The following RDX variants were observed in gnomAD, a reference collection of about 807,000 sequenced individuals.
The protein encoded by RDX is radixin.
A neutral mutation model predicts 83.7 loss-of-function variants in RDX; 32 were observed. The ratio of observed to expected loss-of-function variants is 0.38; its 90% CI spans 0.29 to 0.51. The LOEUF (loss-of-function observed/expected upper bound fraction) is 0.51. Among genes scored for constraint, RDX ranks in the 20% least tolerant of loss-of-function variants. RDX has a pLI of 0.87. For missense variants in RDX, 600 were observed against 689.9 expected, an observed-to-expected ratio of 0.87 and a Z score of 1.46; for synonymous variants, 229 against 222.7, an observed-to-expected ratio of 1.03 and a Z score of -0.25.
intron 3 of RDX, among the ~76,000 whole-genome samples, chr11:110,269,733 T>C (rs1047339578): frequency 1.3e-5 from 2 of 152,064 alleles, no homozygotes; most frequent in Admixed American, 6.5e-5. Context: ...CCATAACAGA[T>C]AACAATACTC....
At chr11:110,232,868 G>C (rs1864694985) in intron 13 of RDX, among the ~76,000 whole-genome samples, 1 of 152,166 alleles carries the variant, frequency 6.6e-6, no homozygotes, top group African/African-American at 2.4e-5. Context: ...ACCTGCCTCG[G>C]CCTCCCAGAG....
intron 14 of RDX, among the ~76,000 whole-genome samples, chr11:110,223,981 C>T (rs1864346138): frequency 1.3e-5 from 2 of 151,798 alleles, no homozygotes; most frequent in Admixed American, 1.3e-4. Context: ...GCCGAGATAG[C>T]GCCATTGCAC....
chr11:110,242,442 T>TA (rs1865136408), intron 10 of RDX, among the ~76,000 whole-genome samples: 1 of 145,434 alleles, frequency 6.9e-6, no homozygotes, highest in African/African-American at 2.5e-5. Flanking sequence ...CTCAAAAAAT[T>TA]TAAAAAAAAA....
chr11:110,283,343 A>C (rs1184747366), intron 1 of RDX, among the ~76,000 whole-genome samples: 1 of 152,108 alleles, frequency 6.6e-6, no homozygotes, highest in Non-Finnish European at 1.5e-5. Context: ...TAGTAGAGAC[A>C]GGGTTTCACT....
At chr11:110,237,798 C>A in intron 10 of RDX, 146 bp from the exon 11 acceptor site, 2 of 933,012 alleles carry the variant, frequency 2.1e-6, no homozygotes, top group East Asian at 2.5e-5. Flanking sequence ...TCTTTGTTTT[C>A]TTGAGACAGG....
At chr11:110,233,108 A>G (rs762567605) in intron 13 of RDX, 129 bp downstream of exon 13, 15 of 1,134,768 alleles carry the variant, frequency 1.3e-5, no homozygotes, top group African/African-American at 3.1e-5. Flanking sequence ...CTATAGGCCA[A>G]ACACCCACAA....
At chr11:110,188,692 G>A (rs1863036755) in intron 15 of RDX, among the ~76,000 whole-genome samples, 1 of 151,980 alleles carries the variant, frequency 6.6e-6, no homozygotes, top group African/African-American at 2.4e-5. Context: ...AAAAGACTGG[G>A]GGCTTCTTAT....
At chr11:110,272,426 AGTGGT>A (rs1860343080) in intron 3 of RDX, 105 bp downstream of exon 3, 1 of 748,828 alleles carries the variant, frequency 1.3e-6, no homozygotes, top group Non-Finnish European at 2.4e-6. Context: ...AAAAATTCCA[AGTGGT>A]ACACTGTTGG....
At chr11:110,246,549 T>C (rs1230102364) in intron 10 of RDX, among the ~76,000 whole-genome samples, 2 of 151,764 alleles carry the variant, frequency 1.3e-5, no homozygotes, top group Admixed American at 1.3e-4. Context: ...CCGACGCGGG[T>C]GGATCACTTG....
chr11:110,195,715 T>C (rs1863191967), intron 15 of RDX: 1 of 152,242 alleles, frequency 6.6e-6, no homozygotes, highest in Non-Finnish European at 1.5e-5. Flanking sequence ...TGAAGCCAAA[T>C]ATAAGTCACA....
Position 110,272,704 on chromosome 11 carries a change from T to TAA in RDX, c.13-87_13-86dup, listed in dbSNP as rs1015726194. The stretch of plus-strand genomic sequence containing the variant: ...TTTATGATTTTCTTTATTAAAGTGA[T>TAA]AAAGTTTTATTTTAATCACAAGAAA... On this transcript the variant is annotated intron_variant, in intron 2 of 13. Coordinates refer to ENST00000645495, the MANE Select transcript of RDX (RefSeq NM_002906.4). The TAA allele has an allele frequency of 3.4e-6, 3 of 894,132 alleles. No individual in the cohort carries two copies. In the Admixed American group the frequency reaches 6.2e-5, roughly 19 times the overall value. The allele number at this position is 894,132 out of a possible 1,614,324, so 55.4% of individuals were successfully genotyped here. A position where few individuals can be genotyped will look rare whatever the true frequency, so the allele number is the denominator to read the frequency against.
chr11:110,263,894 G>GT, intron 5 of RDX, 66 bp downstream of exon 5: 1 of 1,387,736 alleles, frequency 7.2e-7, no homozygotes, highest in Non-Finnish European at 1.0e-6. Context: ...CCTGAAAAAC[G>GT]TTTTATTTAT....
chr11:110,226,196 T>C (rs1234680286), downstream of RDX, among the ~76,000 whole-genome samples: 1 of 151,840 alleles, frequency 6.6e-6, no homozygotes, highest in Admixed American at 6.6e-5. Context: ...AAAGCAGCAA[T>C]ATTCAGAGTA....
intron 9 of RDX, among the ~76,000 whole-genome samples, chr11:110,249,752 T>C (rs183715294): frequency 1.3e-3 from 196 of 152,234 alleles, no homozygotes; most frequent in African/African-American, 4.3e-3. Context: ...TGTGTACCCA[T>C]AGTCCTGGTT....
intron 14 of RDX, among the ~76,000 whole-genome samples, chr11:110,223,153 C>G (rs1213897657): frequency 6.6e-6 from 1 of 152,016 alleles, no homozygotes; most frequent in Admixed American, 6.5e-5. Context: ...GAGGTCAAAA[C>G]CAGCCTGGCC....
intron 10 of RDX, among the ~76,000 whole-genome samples, chr11:110,245,755 G>A (rs1272957408): frequency 6.6e-6 from 1 of 152,004 alleles, no homozygotes; most frequent in African/African-American, 2.4e-5. Context: ...GTAAACTCCA[G>A]GAGAATAGGA....
chr11:110,254,210 T>G, intron 8 of RDX, 101 bp from the exon 9 acceptor site: 2 of 911,896 alleles, frequency 2.2e-6, no homozygotes, highest in Non-Finnish European at 3.4e-6. Context: ...TTTAATGTCA[T>G]ATTACATATA....
chr11:110,208,412 C>T (rs1246134036), intron 14 of RDX, among the ~76,000 whole-genome samples: 1 of 152,164 alleles, frequency 6.6e-6, no homozygotes, highest in East Asian at 1.9e-4. Flanking sequence ...CTTCTACATG[C>T]TAAAACTCAC....
intron 3 of RDX, among the ~76,000 whole-genome samples, chr11:110,266,614 T>C (rs73010069): frequency 6.6e-6 from 1 of 151,932 alleles, no homozygotes; most frequent in Non-Finnish European, 1.5e-5. Context: ...GTACCCACAA[T>C]GGAGTACAGT....
Sources: allele counts gnomAD v4.1 joint callset (sites outside exome capture counted in the v4.1 genomes callset), GRCh38; gene constraint gnomAD v4.1.1; transcripts MANE v1.5; gene names NCBI Gene and HGNC (gene_info 2026-07-23, HGNC 2026-07-21).